The following RBFOX2 variants were observed in gnomAD, a reference collection of about 807,000 sequenced individuals.
RBFOX2 encodes RNA binding protein fox-1 homolog 2.
Under a neutral mutation model 49.1 loss-of-function variants are expected in RBFOX2, and 10 were observed. The ratio of observed to expected loss-of-function variants is 0.20; its 90% CI spans 0.13 to 0.35. RBFOX2 has a LOEUF of 0.35. Ranked by LOEUF, RBFOX2 falls within the 10% of genes least tolerant of loss-of-function variation. RBFOX2 has a pLI of 1.00. For synonymous variants in RBFOX2, 183 were observed against 187.4 expected (o/e 0.98, Z 0.19); for missense variants, 323 against 486.9 (o/e 0.66, Z 3.17).
chr22:35,927,263 A>C (rs1053975136), intron 1 of RBFOX2, among the ~76,000 whole-genome samples: 2 of 152,234 alleles, frequency 1.3e-5, no homozygotes, highest in Non-Finnish European at 2.9e-5. Context: ...TTAGGAAGAA[A>C]TAAATGCCCA....
At chr22:35,953,533 C>T (rs1158417846) in intron 1 of RBFOX2, among the ~76,000 whole-genome samples, 2 of 152,084 alleles carry the variant, frequency 1.3e-5, no homozygotes, top group East Asian at 1.9e-4. Flanking sequence ...TTAATGGATA[C>T]GGGTGATGTA....
At chr22:35,931,250 A>T (rs2149680365) in intron 1 of RBFOX2, among the ~76,000 whole-genome samples, 1 of 152,066 alleles carries the variant, frequency 6.6e-6, no homozygotes, top group African/African-American at 2.4e-5. Flanking sequence ...AGACAACCTA[A>T]CAGGGGGGAA....
intron 1 of RBFOX2, among the ~76,000 whole-genome samples, chr22:35,905,032 G>A (rs187014863): frequency 1.4e-3 from 209 of 152,202 alleles, no homozygotes; most frequent in Non-Finnish European, 2.2e-3. Flanking sequence ...GGCCCTCTAG[G>A]TATCCAGAAT....
intron 2 of RBFOX2, among the ~76,000 whole-genome samples, chr22:35,802,362 C>T (rs955760586): frequency 6.6e-6 from 1 of 152,090 alleles, no homozygotes; most frequent in Admixed American, 6.6e-5. Context: ...TGAACTGTTT[C>T]CTCAAAAGGA....
At chr22:35,859,153 A>G (rs1185271943) in intron 1 of RBFOX2, among the ~76,000 whole-genome samples, 1 of 152,222 alleles carries the variant, frequency 6.6e-6, no homozygotes, top group Non-Finnish European at 1.5e-5. Flanking sequence ...AAAATAAAGC[A>G]GCAATTGCTA....
chr22:35,965,229 A>AT (rs2056488725), upstream of RBFOX2, among the ~76,000 whole-genome samples: 2 of 152,224 alleles, frequency 1.3e-5, no homozygotes, highest in African/African-American at 4.8e-5. Flanking sequence ...AGGGATGGTC[A>AT]TAAGACAACA....
chr22:35,904,511 C>G (rs1328785362), intron 1 of RBFOX2, among the ~76,000 whole-genome samples: 1 of 152,160 alleles, frequency 6.6e-6, no homozygotes, highest in Non-Finnish European at 1.5e-5. Context: ...TAATTTCACC[C>G]TAGTTACCAA....
chr22:35,794,144 A>T (rs564923046), intron 2 of RBFOX2, among the ~76,000 whole-genome samples: 2 of 152,296 alleles, frequency 1.3e-5, no homozygotes, highest in South Asian at 4.1e-4. Flanking sequence ...TGCTCAAGCT[A>T]GAGTCCTAGG....
chr22:36,016,629 G>T (rs938272822), intron 1 of RBFOX2, among the ~76,000 whole-genome samples: 1 of 152,200 alleles, frequency 6.6e-6, no homozygotes, highest in Non-Finnish European at 1.5e-5. Context: ...GGTGTTACCT[G>T]GGGACCTAAG....
intron 1 of RBFOX2, among the ~76,000 whole-genome samples, chr22:35,815,179 A>T (rs1035645617): frequency 2.0e-5 from 3 of 152,212 alleles, no homozygotes; most frequent in Non-Finnish European, 4.4e-5. Context: ...AACAGAAGAA[A>T]GCATGAACCT....
At chr22:35,843,436 C>T (rs1478843490), upstream of RBFOX2, among the ~76,000 whole-genome samples, 1 of 88,616 alleles carries the variant, frequency 1.1e-5, no homozygotes, top group African/African-American at 4.5e-5. Context: ...TCCCTGTAGT[C>T]TCAACTCTTT....
At chr22:35,830,718 GGAACCACTATT>G (rs1224187269) in intron 1 of RBFOX2, among the ~76,000 whole-genome samples, 3 of 152,110 alleles carry the variant, frequency 2.0e-5, no homozygotes, top group Admixed American at 2.0e-4. Context: ...ATAATCTTAT[GGAACCACTATT>G]GTGTATGCAG....
chr22:35,821,757 C>T (rs767043292), intron 1 of RBFOX2: 1 of 518,766 alleles, frequency 1.9e-6, no homozygotes, highest in Non-Finnish European at 3.8e-6. Flanking sequence ...CTCTGACCAC[C>T]CCCAAGCTTT....
upstream of RBFOX2, among the ~76,000 whole-genome samples, chr22:35,942,542 C>T (rs1000834711): frequency 6.6e-6 from 1 of 151,810 alleles, no homozygotes; most frequent in South Asian, 2.1e-4. Context: ...ATTTCAACAT[C>T]CCACCTGCAA....
chr22:35,826,210 C>T (rs895017471), intron 1 of RBFOX2, among the ~76,000 whole-genome samples: 1 of 150,894 alleles, frequency 6.6e-6, no homozygotes, highest in Admixed American at 6.6e-5. Flanking sequence ...GGCTTGGTGG[C>T]GCATGTCTGT....
intron 1 of RBFOX2, among the ~76,000 whole-genome samples, chr22:35,826,972 G>C (rs767343706): frequency 3.9e-4 from 60 of 152,274 alleles, no homozygotes; most frequent in Non-Finnish European, 6.9e-4. Flanking sequence ...CACTGTGGAT[G>C]GGGGGATTAC....
intron 1 of RBFOX2, among the ~76,000 whole-genome samples, chr22:35,969,944 G>A (rs2056778349): frequency 6.6e-6 from 1 of 152,174 alleles, no homozygotes; most frequent in African/African-American, 2.4e-5. Context: ...TGGACTTGAG[G>A]CCATTTATCC....
At chr22:35,924,633 T>C (rs979399273) in intron 1 of RBFOX2, among the ~76,000 whole-genome samples, 1 of 152,182 alleles carries the variant, frequency 6.6e-6, no homozygotes, top group Non-Finnish European at 1.5e-5. Context: ...CAGTTTTGCT[T>C]TTTCCCCCAC....
chr22:35,801,500 A>G (rs567190214), intron 2 of RBFOX2, among the ~76,000 whole-genome samples: 5 of 151,904 alleles, frequency 3.3e-5, no homozygotes, highest in Admixed American at 3.3e-4. Context: ...TAAATGGCTT[A>G]TGAGCAGTGA....
Sources: allele counts gnomAD v4.1 joint callset (sites outside exome capture counted in the v4.1 genomes callset), GRCh38; gene constraint gnomAD v4.1.1; transcripts MANE v1.5; gene names NCBI Gene and HGNC (gene_info 2026-07-23, HGNC 2026-07-21).